MAP2K4: variants seen among roughly 807,000 people sequenced by gnomAD.
The protein encoded by MAP2K4 is mitogen-activated protein kinase kinase 4, also known as dual specificity mitogen-activated protein kinase kinase 4.
A neutral mutation model predicts 48.5 loss-of-function variants in MAP2K4; 4 were observed. The ratio of observed to expected loss-of-function variants is 0.08; its 90% CI spans 0.04 to 0.19. The LOEUF is 0.19. MAP2K4 is among the 10% of genes least tolerant of loss of function. The probability of loss-of-function intolerance (pLI) is 1.00; values close to 1 mark genes in which losing one functional copy is unlikely to be tolerated. For synonymous variants in MAP2K4, 166 were observed against 173.1 expected (o/e 0.96, Z 0.32); for missense variants, 258 against 493.3 (o/e 0.52, Z 4.52).
intron 2 of MAP2K4, among the ~76,000 whole-genome samples, chr17:12,063,494 A>T (rs893414172): frequency 6.6e-6 from 1 of 152,208 alleles, no homozygotes; most frequent in Non-Finnish European, 1.5e-5. Flanking sequence ...TTACCTCAAG[A>T]TGGATCATTG....
chr17:12,064,021 GGAGAGA>G (rs34670472), intron 2 of MAP2K4, among the ~76,000 whole-genome samples: 5 of 93,616 alleles, frequency 5.3e-5, no homozygotes, highest in Admixed American at 1.3e-4. Context: ...GGGAAGGGGG[GGAGAGA>G]GAGAGAGAGA....
intron 1 of MAP2K4, among the ~76,000 whole-genome samples, chr17:12,046,213 G>T (rs1969959735): frequency 6.6e-6 from 1 of 152,166 alleles, no homozygotes; most frequent in Non-Finnish European, 1.5e-5. Context: ...ATAACTGGCT[G>T]CCTCCTTTTG....
At chr17:12,103,961 CA>C (rs1972027250) in intron 4 of MAP2K4, among the ~76,000 whole-genome samples, 1 of 151,778 alleles carries the variant, frequency 6.6e-6, no homozygotes, top group South Asian at 2.1e-4. Context: ...TAATTATAAA[CA>C]GCACAAAAAT....
intron 4 of MAP2K4, among the ~76,000 whole-genome samples, chr17:12,096,586 A>T (rs28923200): frequency 8.5e-5 from 13 of 152,222 alleles, no homozygotes; most frequent in African/African-American, 3.1e-4. Flanking sequence ...TGTTAGGATG[A>T]ATAACCGAGT....
At chr17:12,095,501 A>T in intron 3 of MAP2K4, 74 bp from the exon 4 acceptor site, 1 of 1,564,712 alleles carries the variant, frequency 6.4e-7, no homozygotes, top group Non-Finnish European at 8.8e-7. Flanking sequence ...TTTCTCTACC[A>T]TGAGACTAAA....
At position 12,115,963 on chromosome 17, in the gene MAP2K4, T is replaced by C. The variant is rs532439011; in HGVS notation, c.813+2603T>C. 164 of 426,678 alleles carry C rather than the reference T, an allele frequency of 3.8e-4. 2 individuals carry two copies. Among genetic ancestry groups the C allele is most frequent in the South Asian group, 3.1e-3 (149 of 48,518 alleles). The allele number at this position is 426,678 out of a possible 1,614,324, so 26.4% of individuals were successfully genotyped here. A position where few individuals can be genotyped will look rare whatever the true frequency, so the allele number is the denominator to read the frequency against. ...CAGCTATGAATTGAGTGAACTCTTTTCTCGTTCTTTTTAAGTCTGTTTTGT... is the reference window on the plus strand; with the variant it reads ...CAGCTATGAATTGAGTGAACTCTTTCCTCGTTCTTTTTAAGTCTGTTTTGT... On this transcript the variant is annotated intron_variant, in intron 7 of 10. Coordinates refer to ENST00000353533, the MANE Select transcript of MAP2K4 (RefSeq NM_003010.4).
At chr17:12,110,789 A>G (rs1972279941) in intron 6 of MAP2K4, 3 of 188,460 alleles carry the variant, frequency 1.6e-5, no homozygotes, top group African/African-American at 2.4e-5. Flanking sequence ...ACCCTCAAGC[A>G]TTTTAAAGGC....
intron 1 of MAP2K4, among the ~76,000 whole-genome samples, chr17:12,031,542 CTGG>C (rs1969437987): frequency 6.6e-6 from 1 of 152,150 alleles, no homozygotes; most frequent in Non-Finnish European, 1.5e-5. Flanking sequence ...GCTTACTTTA[CTGG>C]ATGCATCTTA....
chr17:12,126,157 G>C (rs373828897), intron 8 of MAP2K4, among the ~76,000 whole-genome samples: 1 of 152,120 alleles, frequency 6.6e-6, no homozygotes, highest in Non-Finnish European at 1.5e-5. Flanking sequence ...ATTATAATTC[G>C]AAATGAAATT....
chr17:12,066,120 T>A (rs1970608865), intron 2 of MAP2K4, among the ~76,000 whole-genome samples: 1 of 150,234 alleles, frequency 6.7e-6, no homozygotes, highest in Non-Finnish European at 1.5e-5. Context: ...TAACATTTAC[T>A]ATTGTTTCTT....
chr17:12,032,544 C>T (rs988406732), intron 1 of MAP2K4, among the ~76,000 whole-genome samples: 3 of 151,996 alleles, frequency 2.0e-5, no homozygotes, highest in East Asian at 1.9e-4. Flanking sequence ...TATGGAAATA[C>T]GTATTTAGGT....
rs1177410004 is a variant in MAP2K4, at chr17:12,141,715, C to T, written c.*455C>T. The T allele has an allele frequency of 1.3e-5, 3 of 237,420 alleles. No homozygotes were observed. The highest frequency in any genetic ancestry group is 2.5e-5 in the Non-Finnish European group (3 of 120,722). The allele number at this position is 237,420 out of a possible 1,614,324, so 14.7% of individuals were successfully genotyped here. On this transcript the variant is annotated 3_prime_UTR_variant, in exon 11 of 11. Coordinates refer to ENST00000353533, the MANE Select transcript of MAP2K4 (RefSeq NM_003010.4). ...AGAAGAGCTTGCACAGCCAACGAGA[C>T]ACATTGCCTTCTGGAGCTGGGAGAC...
intron 1 of MAP2K4, among the ~76,000 whole-genome samples, chr17:12,024,977 G>A (rs55648538): frequency 1.3e-5 from 2 of 152,134 alleles, no homozygotes; most frequent in African/African-American, 4.8e-5. Context: ...AGTATGGTTG[G>A]CATGTTAGAG....
chr17:12,044,768 G>A (rs1319592044), intron 1 of MAP2K4, among the ~76,000 whole-genome samples: 1 of 152,216 alleles, frequency 6.6e-6, no homozygotes, highest in Non-Finnish European at 1.5e-5. Context: ...CCCTGCTTCA[G>A]ATACCAGTTG....
intron 3 of MAP2K4, among the ~76,000 whole-genome samples, chr17:12,095,090 T>G (rs1971691271): frequency 6.6e-6 from 1 of 152,154 alleles, no homozygotes; most frequent in South Asian, 2.1e-4. Context: ...TTCCCGTCTT[T>G]ATGAATGAGG....
intron 7 of MAP2K4, chr17:12,115,682 G>A (rs1762095679): frequency 1.3e-6 from 1 of 757,506 alleles, no homozygotes; most frequent in Admixed American, 1.7e-5. Flanking sequence ...GAACACAAAT[G>A]TAGTAGAACA....
chr17:12,087,998 T>C (rs1029469025), intron 3 of MAP2K4, among the ~76,000 whole-genome samples: 5 of 152,174 alleles, frequency 3.3e-5, no homozygotes, highest in African/African-American at 9.7e-5. Flanking sequence ...AAAATAAGAA[T>C]ACCTAAGATT....
chr17:12,127,840 G>A (rs537212351), intron 8 of MAP2K4, among the ~76,000 whole-genome samples: 5 of 152,194 alleles, frequency 3.3e-5, no homozygotes, highest in East Asian at 3.9e-4. Context: ...GCTTACTTTT[G>A]TGCACACATG....
chr17:12,055,048 A>G (rs1970243766), intron 2 of MAP2K4, 57 bp downstream of exon 2: 1 of 1,071,048 alleles, frequency 9.3e-7, no homozygotes, highest in South Asian at 1.5e-5. Flanking sequence ...AAGTTACTGT[A>G]TTTTATGAAT....
Sources: allele counts gnomAD v4.1 joint callset (sites outside exome capture counted in the v4.1 genomes callset), GRCh38; gene constraint gnomAD v4.1.1; transcripts MANE v1.5; gene names NCBI Gene and HGNC (gene_info 2026-07-23, HGNC 2026-07-21).